Variants in CELSR2 observed in about 807,000 individuals in gnomAD.
CELSR2 encodes the protein EGF-like protein 2.
A neutral mutation model predicts 251.6 loss-of-function variants in CELSR2; 81 were observed. The ratio of observed to expected loss-of-function variants is 0.32; its 90% CI spans 0.27 to 0.39. The LOEUF is 0.39. Among genes scored for constraint, CELSR2 ranks in the 10% least tolerant of loss-of-function variants. The pLI is 1.00. For missense variants in CELSR2, 3,365 were observed against 3,947.7 expected, an observed-to-expected ratio of 0.85 and a Z score of 3.96; for synonymous variants, 1,721 against 1,670.5, an observed-to-expected ratio of 1.03 and a Z score of -0.74.
chr1:109,269,276 C>G lies in CELSR2; in HGVS notation c.6798C>G (p.Asp2266Glu). Residue 2266 changes from aspartate (D) to glutamate (E), a missense_variant, in exon 20 of 34, where the codon GAC (aspartate) becomes GAG (glutamate). By Grantham distance (45) the Asp-to-Glu change is conservative. This residue lies in a region of CELSR2 where 2,093 missense variants were observed against 2,382.8 expected (regional missense o/e 0.88). Transcript: ENST00000271332. The surrounding 1 kb of genome is among the most constrained non-coding windows in gnomAD (Gnocchi z 6.4). The stretch of plus-strand genomic sequence containing the variant: ...TACTGCCTCATAACTATGACCCTGA[C>G]AAGCGCAGCTTGAGGTCAGCAGCTA... ...AGLLPHNYDP[D>E]KRSLRVPKRP... The G allele has an allele frequency of 6.2e-7, 1 of 1,613,348 alleles. No homozygotes were observed. The highest frequency in any genetic ancestry group is 1.7e-4 in the Middle Eastern group (1 of 6,054).
At position 109,269,270 on chromosome 1, in the gene CELSR2, C is replaced by T; in HGVS notation, c.6792C>T (p.Asp2264=). ...TLAGLLPHNY[D]PDKRSLRVPK... is the part of the protein sequence containing the mutation. ...CCGGGCTACTGCCTCATAACTATGACCCTGACAAGCGCAGCTTGAGGTCAG... is the reference window on the plus strand; with the variant it reads ...CCGGGCTACTGCCTCATAACTATGATCCTGACAAGCGCAGCTTGAGGTCAG... Residue 2264 remains aspartate (D), a synonymous_variant, in exon 20 of 34, where the codon GAC becomes GAT. Transcript: ENST00000271332. The surrounding 1 kb of genome is among the most constrained non-coding windows in gnomAD (Gnocchi z 6.4). 3 of 1,613,336 alleles carry T rather than the reference C, an allele frequency of 1.9e-6. No homozygotes were observed. Among genetic ancestry groups the T allele is most frequent in the African/African-American group, 1.3e-5 (1 of 75,046 alleles).
Position 109,253,210 on chromosome 1 carries a change from G to A in CELSR2, c.3131G>A (p.Gly1044Asp). The change falls in exon 1 of 34, where the codon GGT becomes GAT. Residue 1044 changes from glycine (G) to aspartate (D), a missense_variant. Gly to Asp is a moderately conservative substitution (Grantham distance 94, BLOSUM62 -1). Coordinates refer to ENST00000271332, the MANE Select transcript of CELSR2 (RefSeq NM_001408.3). The stretch of plus-strand genomic sequence containing the variant: ...AATCGCTCAAGCAGCTTCCCTGGGG[G>A]TGCCATTGGCCGAGTACCTGCCCAT... ...VTNRSSSFPG[G>D]AIGRVPAHDP... The A allele has an allele frequency of 1.9e-6, 3 of 1,613,558 alleles. No homozygotes were observed. Among genetic ancestry groups the A allele is most frequent in the South Asian group, 1.1e-5 (1 of 91,086 alleles).
chr1:109,270,170 T>C lies in CELSR2; in HGVS notation c.7308+37T>C, dbSNP rs768468795. 7 of 1,603,684 alleles carry C rather than the reference T, an allele frequency of 4.4e-6. No individual in the cohort carries two copies. The South Asian group carries it at 6.6e-5, about 15-fold the overall frequency. ...CTACTGCCCAGAAACTGTCCCCACC[T>C]TCTCAGGCCGCCTCCCCAGCCCCCA... On this transcript the variant is annotated intron_variant, in intron 23 of 33. Transcript: ENST00000271332.
chr1:109,271,034 G>A lies in CELSR2; in HGVS notation c.7591G>A (p.Val2531Ile), dbSNP rs192472023. The A allele has an allele frequency of 2.1e-5, 34 of 1,612,206 alleles. No individual in the cohort carries two copies. The highest frequency in any genetic ancestry group is 1.2e-4 in the Admixed American group (7 of 59,950). ...WSFAGPVAFA[V>I]SMSVFLYILA... ...TTTTGCTGGCCCGGTGGCCTTTGCCGTCTCGGTGAGTGCTAGCAGGTGGGT... is the reference window on the plus strand; with the variant it reads ...TTTTGCTGGCCCGGTGGCCTTTGCCATCTCGGTGAGTGCTAGCAGGTGGGT... Residue 2531 changes from valine to isoleucine, a missense_variant, in exon 25 of 34, where the codon GTC (valine) becomes ATC (isoleucine). Physicochemically the swap from Val to Ile is conservative, Grantham distance 29. This residue lies in a region of CELSR2 where 2,093 missense variants were observed against 2,382.8 expected (regional missense o/e 0.88). Coordinates refer to ENST00000271332, the MANE Select transcript of CELSR2 (RefSeq NM_001408.3).
At chr1:109,272,559 C>T in intron 29 of CELSR2, 81 bp from the exon 30 acceptor site, 1 of 1,502,094 alleles carries the variant, frequency 6.7e-7, no homozygotes, top group Non-Finnish European at 9.2e-7. Flanking sequence ...CAGCAGGAAC[C>T]AGGATCCCAG....
At chr1:109,270,888 A>C (rs41279716) in intron 24 of CELSR2, 39 bp from the exon 25 acceptor site, 37 of 1,475,064 alleles carry the variant, frequency 2.5e-5, no homozygotes, top group Non-Finnish European at 3.2e-5. Context: ...CAGGCCCCTC[A>C]TCACCCCTCC....
intron 9 of CELSR2, 142 bp downstream of exon 9, chr1:109,263,919 C>T (rs1044393169): frequency 1.0e-5 from 14 of 1,381,196 alleles, no homozygotes; most frequent in Non-Finnish European, 1.4e-5. Flanking sequence ...AAGGTCAATG[C>T]TGCCACCTGT....
chr1:109,272,389 A>C lies in CELSR2; in HGVS notation c.8038A>C (p.Ile2680Leu). 3.7e-6 allele frequency: 6 copies of C among 1,609,844 alleles called. No individual in the cohort carries two copies. The highest frequency in any genetic ancestry group is 5.1e-6 in the Non-Finnish European group (6 of 1,177,072). ...CTCGGGCAAGAGTCAGCCCAGCTAC[A>C]TCCCCTTCTTGCTGAGGTGAATCCC... ...SRSGKSQPSY[I>L]PFLLREESAL... The change falls in exon 29 of 34, where the codon ATC (isoleucine) becomes CTC (leucine). Residue 2680 changes from isoleucine (I) to leucine (L), a missense_variant. By Grantham distance (5) the Ile-to-Leu change is conservative. Coordinates refer to ENST00000271332, the MANE Select transcript of CELSR2 (RefSeq NM_001408.3).
chr1:109,254,784 G>A (rs868759761), intron 1 of CELSR2, among the ~76,000 whole-genome samples: 1 of 152,176 alleles, frequency 6.6e-6, no homozygotes, highest in Non-Finnish European at 1.5e-5. Flanking sequence ...CAGGAACCAG[G>A]AAGCAGGAGC....
rs1384291554 is a variant in CELSR2, at chr1:109,253,240, C to G, written c.3161C>G (p.Pro1054Arg). The G allele has an allele frequency of 3.1e-6, 5 of 1,613,514 alleles. No individual in the cohort carries two copies. In the East Asian group the frequency reaches 1.1e-4, roughly 36 times the overall value. ...ATTGGCCGAGTACCTGCCCATGACC[C>G]TGATATCTCAGATAGTCTGACTTAC... Reference protein sequence around the residue: ...GAIGRVPAHDPDISDSLTYSF... With the variant: ...GAIGRVPAHDRDISDSLTYSF... Residue 1054 changes from proline to arginine, a missense_variant, in exon 1 of 34, where the codon CCT (proline) becomes CGT (arginine). This residue lies in a region of CELSR2 where 505 missense variants were observed against 660.0 expected (regional missense o/e 0.77). Coordinates refer to ENST00000271332, the MANE Select transcript of CELSR2 (RefSeq NM_001408.3).
At chr1:109,263,463 C>A in intron 8 of CELSR2, 148 bp from the exon 9 acceptor site, 1 of 1,357,284 alleles carries the variant, frequency 7.4e-7, no homozygotes, top group Non-Finnish European at 1.0e-6. Flanking sequence ...CAGCGTGGGG[C>A]GGTCCCAGGG....
In CELSR2 at chr1:109,274,885, G is replaced by C. The variant is rs1210423244; in HGVS notation, c.*836G>C. 1 of 152,874 alleles carries C rather than the reference G, an allele frequency of 6.5e-6. No homozygotes were observed. Among genetic ancestry groups the C allele is most frequent in the Non-Finnish European group, 1.5e-5 (1 of 68,236 alleles). 9.5% of individuals were successfully genotyped at this position (152,874 alleles called of 1,614,324 possible). ...CCCGCCCCGCGCCCCGGGCAGGCCA[G>C]TCATGTGTTAAGTTGCGCTTCTTTG... is the stretch of plus-strand genomic sequence containing the variant. On this transcript the variant is annotated 3_prime_UTR_variant, in exon 34 of 34. Transcript: ENST00000271332.
intron 1 of CELSR2, among the ~76,000 whole-genome samples, chr1:109,254,299 G>A (rs1026285881): frequency 6.6e-6 from 1 of 152,224 alleles, no homozygotes; most frequent in Non-Finnish European, 1.5e-5. Context: ...TATCTGAGGA[G>A]AGAACAGAGT....
chr1:109,274,073 C>A lies in CELSR2; in HGVS notation c.*24C>A. ...AACCCTGGGCCGTGGTTCCTACGCCCGAGGCTCCCTTCCCTTCCCCAGCCG... is the reference window on the plus strand; with the variant it reads ...AACCCTGGGCCGTGGTTCCTACGCCAGAGGCTCCCTTCCCTTCCCCAGCCG... On this transcript the variant is annotated 3_prime_UTR_variant, in exon 34 of 34. Coordinates refer to ENST00000271332, the MANE Select transcript of CELSR2 (RefSeq NM_001408.3). 6.2e-7 allele frequency: 1 copy of A among 1,614,040 alleles called. No individual in the cohort carries two copies.
Position 109,270,053 on chromosome 1 carries a change from G to A in CELSR2, c.7228G>A (p.Gly2410Ser), listed in dbSNP as rs200447722. 1.7e-5 allele frequency: 28 copies of A among 1,614,040 alleles called. No homozygotes were observed. The East Asian group carries it at 2.2e-4, about 13-fold the overall frequency. ...GCGTATCCTGCGCTCCAACCAACAC[G>A]GCATCCGACGTAACCTGACAGCTGC... Reference protein sequence around the residue: ...LLRILRSNQHGIRRNLTAALG... With the variant: ...LLRILRSNQHSIRRNLTAALG... The change falls in exon 23 of 34, where the codon GGC becomes AGC. Residue 2410 changes from glycine (G) to serine (S), a missense_variant. Around this residue, in one of 5 missense-constraint regions of CELSR2, gnomAD observed 2,093 missense variants for 2,382.8 expected, o/e 0.88. Transcript: ENST00000271332.
chr1:109,261,672 C>G lies in CELSR2; in HGVS notation c.4297+44C>G. On this transcript the variant is annotated intron_variant, in intron 4 of 33. Transcript: ENST00000271332. The surrounding 1 kb of genome is among the most constrained non-coding windows in gnomAD (Gnocchi z 4.8). Reference sequence around the variant, plus strand: ...CATCCTTGCCCATCTTCCAAAGGCCCCAAGTCTTCCAGCCCCTGACCCCAA... The same window carrying G: ...CATCCTTGCCCATCTTCCAAAGGCCGCAAGTCTTCCAGCCCCTGACCCCAA... 8.2e-6 allele frequency: 13 copies of G among 1,581,278 alleles called. No individual in the cohort carries two copies. The highest frequency in any genetic ancestry group is 1.0e-5 in the Non-Finnish European group (12 of 1,150,448).
chr1:109,261,829 C>G lies in CELSR2; in HGVS notation c.4319C>G (p.Ser1440Cys), dbSNP rs555667801. Residue 1440 changes from serine to cysteine, a missense_variant, in exon 5 of 34, where the codon TCC becomes TGC. Ser to Cys is a moderately radical substitution (Grantham distance 112). Transcript: ENST00000271332. This position sits in a 1 kb window ranked among gnomAD's most constrained non-coding sequence, Gnocchi z 4.8. ...CCAGGGGAGTCAACCACCACGGTGT[C>G]CCCATTCGTGCCCGGAGGAGTCAGT... ...FSAGESTTTV[S>C]PFVPGGVSDG... 3.1e-6 allele frequency: 5 copies of G among 1,594,816 alleles called. No homozygotes were observed. In the East Asian group the frequency reaches 1.1e-4, roughly 36 times the overall value.
Position 109,270,074 on chromosome 1 carries a change from G to A in CELSR2, c.7249G>A (p.Ala2417Thr). The A allele has an allele frequency of 6.2e-7, 1 of 1,614,112 alleles. No homozygotes were observed. The highest frequency in any genetic ancestry group is 8.5e-7 in the Non-Finnish European group (1 of 1,180,008). Residue 2417 changes from alanine to threonine, a missense_variant, in exon 23 of 34, where the codon GCT becomes ACT. This residue lies in a region of CELSR2 where 2,093 missense variants were observed against 2,382.8 expected (regional missense o/e 0.88). Coordinates refer to ENST00000271332, the MANE Select transcript of CELSR2 (RefSeq NM_001408.3). ...NQHGIRRNLTAALGLAQLVFL... is the reference protein window; with the variant it reads ...NQHGIRRNLTTALGLAQLVFL... ...ACACGGCATCCGACGTAACCTGACA[G>A]CTGCCCTGGGCCTGGCTCAGCTGGT...
rs1349080856 is a variant in CELSR2 at position 109,258,955 on chromosome 1, C to T, written c.3834C>T (p.Pro1278=). The change falls in exon 2 of 34, where the codon CCC becomes CCT. Residue 1278 remains proline, a synonymous_variant. Transcript: ENST00000271332. ...GAGGGCTGCGCTGCCGCTGCCCGCC[C>T]GGCTTCACGGGTGACTACTGCGAGA... ...PVGGLRCRCP[P]GFTGDYCETE... 6.2e-7 allele frequency: 1 copy of T among 1,611,322 alleles called. No homozygotes were observed. The highest frequency in any genetic ancestry group is 1.1e-5 in the South Asian group (1 of 91,016).
Sources: gnomAD v4.1 joint callset for allele counts (sites outside exome capture counted in the v4.1 genomes callset) on GRCh38, gnomAD v4.1.1 for gene constraint, gnomAD v4.1.1 regional missense constraint, Gnocchi (gnomAD v3.1) non-coding constraint, MANE v1.5 for transcripts, NCBI Gene and HGNC (gene_info 2026-07-23, HGNC 2026-07-21) for gene names.